Variants in TRMT11 observed in about 807,000 individuals in gnomAD.
TRMT11 encodes tRNA methyltransferase 11, also known as tRNA (guanine(10)-N(2))-methyltransferase TRMT11.
In TRMT11, 53 loss-of-function variants were observed where a neutral mutation model predicts 62.8. That is an observed-to-expected ratio of 0.84 (90% confidence interval 0.68 to 1.06). TRMT11 has a LOEUF of 1.06. Ranked by LOEUF, TRMT11 falls within the 50% of genes least tolerant of loss-of-function variation. The probability of loss-of-function intolerance (pLI) is 0.00; values close to 1 mark genes in which losing one functional copy is unlikely to be tolerated. For missense variants in TRMT11, 556 were observed against 553.4 expected, an observed-to-expected ratio of 1.00 and a Z score of -0.05; for synonymous variants, 188 against 190.3, an observed-to-expected ratio of 0.99 and a Z score of 0.10.
the TRMT11 span, among the ~76,000 whole-genome samples, chr6:126,258,933 CT>C: frequency 6.6e-6 from 1 of 152,052 alleles, no homozygotes; most frequent in Non-Finnish European, 1.5e-5. Context: ...GGTATTAAGC[CT>C]AGTACTCAAT....
At chr6:126,008,980 C>T (rs1046588506) in intron 8 of TRMT11, among the ~76,000 whole-genome samples, 1 of 151,760 alleles carries the variant, frequency 6.6e-6, no homozygotes, top group African/African-American at 2.4e-5. Flanking sequence ...AGAGTGATTT[C>T]CTGGGGGAAC....
chr6:126,008,135 C>CA (rs1343831220), intron 7 of TRMT11, among the ~76,000 whole-genome samples: 3 of 151,142 alleles, frequency 2.0e-5, no homozygotes, highest in African/African-American at 4.8e-5. Flanking sequence ...TTATTTTGAC[C>CA]AAAAAAAAGA....
intron 21 of TRMT11, among the ~76,000 whole-genome samples, chr6:126,119,263 AG>A (rs1777622453): frequency 6.6e-6 from 1 of 152,130 alleles, no homozygotes; most frequent in Admixed American, 6.6e-5. Context: ...TTTCCTTAAA[AG>A]TTCATGGTTG....
chr6:126,155,810 T>G, intron 21 of TRMT11, among the ~76,000 whole-genome samples: 1 of 152,194 alleles, frequency 6.6e-6, no homozygotes. Context: ...AAGCTCTGCC[T>G]CCCAGGTTCA....
chr6:126,153,891 A>T (rs888848072), intron 21 of TRMT11, among the ~76,000 whole-genome samples: 3 of 152,098 alleles, frequency 2.0e-5, no homozygotes, highest in Non-Finnish European at 4.4e-5. Context: ...GCCTGAAAAG[A>T]TCCAATGTGC....
At chr6:126,201,673 T>C (rs1242402030) in intron 3 of TRMT11, among the ~76,000 whole-genome samples, 1 of 152,232 alleles carries the variant, frequency 6.6e-6, no homozygotes, top group African/African-American at 2.4e-5. Context: ...GCTCTTCTTA[T>C]TCCTTTTTTT....
At chr6:126,053,829 A>G (rs1450051695) in intron 17 of TRMT11, among the ~76,000 whole-genome samples, 1 of 152,214 alleles carries the variant, frequency 6.6e-6, no homozygotes, top group African/African-American at 2.4e-5. Flanking sequence ...AGAGGACTGG[A>G]TCAAGGAAGA....
At chr6:126,186,918 T>C (rs1778534248) in intron 1 of TRMT11, among the ~76,000 whole-genome samples, 1 of 152,074 alleles carries the variant, frequency 6.6e-6, no homozygotes, top group South Asian at 2.1e-4. Flanking sequence ...TTATAAAAAG[T>C]CAATGCCTAT....
intron 17 of TRMT11, among the ~76,000 whole-genome samples, chr6:126,094,477 A>G (rs1777318076): frequency 1.3e-5 from 2 of 152,152 alleles, no homozygotes; most frequent in African/African-American, 4.8e-5. Context: ...GGTCACCTGA[A>G]TTTGCCATTC....
chr6:126,256,193 A>C, the TRMT11 span, among the ~76,000 whole-genome samples: 12 of 152,154 alleles, frequency 7.9e-5, no homozygotes, highest in African/African-American at 2.7e-4. Context: ...AGATATGATG[A>C]CTGTGTTTTC....
chr6:126,032,848 A>G (rs1172743886), intron 12 of TRMT11, among the ~76,000 whole-genome samples: 2 of 152,204 alleles, frequency 1.3e-5, no homozygotes, highest in East Asian at 3.8e-4. Context: ...TAGAATAAAA[A>G]CAATCACATC....
intron 21 of TRMT11, among the ~76,000 whole-genome samples, chr6:126,144,302 C>A (rs1156607574): frequency 6.6e-6 from 1 of 152,136 alleles, no homozygotes; most frequent in African/African-American, 2.4e-5. Context: ...GGGCTAACAT[C>A]CAAATTGGAG....
At chr6:126,095,648 G>A (rs1377765838) in intron 17 of TRMT11, among the ~76,000 whole-genome samples, 1 of 152,026 alleles carries the variant, frequency 6.6e-6, no homozygotes, top group African/African-American at 2.4e-5. Flanking sequence ...TGGGGTTTGT[G>A]GTCTACTTGG....
chr6:126,229,780 C>T, the TRMT11 span, among the ~76,000 whole-genome samples: 554 of 152,242 alleles, frequency 3.6e-3, 6 homozygotes, highest in African/African-American at 0.013. Flanking sequence ...TTGTACCGTG[C>T]TATTTCTGTA....
At chr6:126,190,348 G>A (rs1778582709) in intron 1 of TRMT11, among the ~76,000 whole-genome samples, 1 of 152,122 alleles carries the variant, frequency 6.6e-6, no homozygotes, top group Non-Finnish European at 1.5e-5. Context: ...TCTCGAGATA[G>A]GGAGTGAGTT....
chr6:126,175,021 G>T (rs1778369742), upstream of TRMT11, among the ~76,000 whole-genome samples: 1 of 152,202 alleles, frequency 6.6e-6, no homozygotes, highest in Admixed American at 6.5e-5. Context: ...AGTTGCTGCA[G>T]CTTTCCTAAG....
intron 21 of TRMT11, among the ~76,000 whole-genome samples, chr6:126,152,807 T>C (rs989100631): frequency 3.3e-5 from 5 of 152,180 alleles, no homozygotes; most frequent in Admixed American, 3.3e-4. Context: ...CAAAACTCAG[T>C]CTTGATTCAC....
chr6:126,241,656 A>C, the TRMT11 span, among the ~76,000 whole-genome samples: 3 of 152,218 alleles, frequency 2.0e-5, no homozygotes, highest in African/African-American at 7.2e-5. Context: ...AAATCAATAA[A>C]CATAATCCAG....
At chr6:126,119,041 A>C (rs1777619014) in intron 21 of TRMT11, among the ~76,000 whole-genome samples, 2 of 152,104 alleles carry the variant, frequency 1.3e-5, no homozygotes. Context: ...ATTTCCATAG[A>C]GATCTGGATC....
Sources: gnomAD v4.1 joint callset for allele counts (sites outside exome capture counted in the v4.1 genomes callset) on GRCh38, gnomAD v4.1.1 for gene constraint, MANE v1.5 for transcripts, NCBI Gene and HGNC (gene_info 2026-07-23, HGNC 2026-07-21) for gene names.